ELAVL1: variants seen among roughly 807,000 people sequenced by gnomAD.
ELAVL1 encodes ELAV like RNA binding protein 1.
In ELAVL1, 1 loss-of-function variant was observed where a neutral mutation model predicts 28.4. That is an observed-to-expected ratio of 0.04 (90% CI 0.01 to 0.17). The LOEUF is 0.17. ELAVL1 is among the 10% of genes least tolerant of loss of function. The pLI is 1.00. For synonymous variants in ELAVL1, 174 were observed against 183.5 expected (o/e 0.95, Z 0.42); for missense variants, 157 against 447.2 (o/e 0.35, Z 5.85).
intron 3 of ELAVL1, among the ~76,000 whole-genome samples, chr19:7,975,736 C>A (rs946207133): frequency 1.3e-5 from 2 of 152,198 alleles, no homozygotes; most frequent in African/African-American, 2.4e-5. Flanking sequence ...ACAGTCATTG[C>A]GGATGTAATC....
intron 1 of ELAVL1, among the ~76,000 whole-genome samples, chr19:7,998,296 C>T (rs2081056155): frequency 1.3e-5 from 2 of 152,244 alleles, no homozygotes; most frequent in South Asian, 4.1e-4. Flanking sequence ...GTAGCCACTT[C>T]TGTCTCTCGA....
At chr19:7,965,701 T>A (rs1049151551) in intron 5 of ELAVL1, among the ~76,000 whole-genome samples, 1 of 152,164 alleles carries the variant, frequency 6.6e-6, no homozygotes, top group African/African-American at 2.4e-5. Context: ...CCCTTTCTTT[T>A]CTTGTCCTCA....
In ELAVL1 at chr19:7,960,775, C is replaced by T. The variant is rs1984784251; in HGVS notation, c.*2708G>A. On this transcript the variant is annotated 3_prime_UTR_variant, in exon 6 of 6. Transcript: ENST00000407627. ...TCATTTTTGCTAAATAGAAATACAA[C>T]TGATCTATGTAAAATTTTTTAAGAA... The T allele has an allele frequency of 6.6e-6, 1 of 152,520 alleles. No homozygotes were observed. The highest frequency in any genetic ancestry group is 2.1e-4 in the South Asian group (1 of 4,832). The allele number at this position is 152,520 out of a possible 1,614,324, so 9.4% of individuals were successfully genotyped here.
At chr19:7,999,256 C>A (rs1246190978) in intron 1 of ELAVL1, among the ~76,000 whole-genome samples, 1 of 152,154 alleles carries the variant, frequency 6.6e-6, no homozygotes, top group Non-Finnish European at 1.5e-5. Flanking sequence ...GCCTGTAGTA[C>A]CAGCTACTCA....
intron 4 of ELAVL1, among the ~76,000 whole-genome samples, chr19:7,972,333 A>G (rs895259430): frequency 1.3e-5 from 2 of 152,250 alleles, no homozygotes; most frequent in Non-Finnish European, 2.9e-5. Context: ...CGGGCCAGGC[A>G]GTAGGGCCGG....
Position 7,963,873 on chromosome 19 carries a change from T to C in ELAVL1, c.657-66A>G. On this transcript the variant is annotated intron_variant, in intron 5 of 5. Coordinates refer to ENST00000407627, the MANE Select transcript of ELAVL1 (RefSeq NM_001419.3). This position sits in a 1 kb window ranked among gnomAD's most constrained non-coding sequence, Gnocchi z 4.5. ...GGCGGCCTGGGGATGGGGCAAGGCCTGGACGCATGCTGACCATGGCCGCTG... is the reference window on the plus strand; with the variant it reads ...GGCGGCCTGGGGATGGGGCAAGGCCCGGACGCATGCTGACCATGGCCGCTG... 2 of 1,528,620 alleles carry C rather than the reference T, an allele frequency of 1.3e-6. No homozygotes were observed. The highest frequency in any genetic ancestry group is 1.2e-5 in the South Asian group (1 of 81,306). The allele number at this position is 1,528,620 out of a possible 1,614,324, so 94.7% of individuals were successfully genotyped here. A position where few individuals can be genotyped will look rare whatever the true frequency, so the allele number is the denominator to read the frequency against.
intron 2 of ELAVL1, among the ~76,000 whole-genome samples, chr19:7,985,550 G>A (rs1369129871): frequency 6.6e-6 from 1 of 152,240 alleles, no homozygotes; most frequent in Non-Finnish European, 1.5e-5. Flanking sequence ...TGGGAGATCA[G>A]CCCTGAGACA....
At position 7,963,207 on chromosome 19, in the gene ELAVL1, G is replaced by A. The variant is rs1984860561; in HGVS notation, c.*276C>T. 2 of 411,026 alleles carry A rather than the reference G, an allele frequency of 4.9e-6. No individual in the cohort carries two copies. Among genetic ancestry groups the A allele is most frequent in the Non-Finnish European group, 8.8e-6 (2 of 227,644 alleles). The allele number at this position is 411,026 out of a possible 1,614,324, so 25.5% of individuals were successfully genotyped here. ...TGCTTCAGGTTCACCACCATCCAGA[G>A]GGACTGGTTAGTCAATGCAGTTCTA... On this transcript the variant is annotated 3_prime_UTR_variant, in exon 6 of 6. Coordinates refer to ENST00000407627, the MANE Select transcript of ELAVL1 (RefSeq NM_001419.3). The surrounding 1 kb of genome is among the most constrained non-coding windows in gnomAD (Gnocchi z 4.5).
At chr19:7,987,769 C>T (rs995421642) in intron 2 of ELAVL1, among the ~76,000 whole-genome samples, 2 of 152,228 alleles carry the variant, frequency 1.3e-5, no homozygotes, top group Admixed American at 1.3e-4. Flanking sequence ...GCTCCTCCCT[C>T]CAGGAGAGAT....
chr19:7,970,469 A>G lies in ELAVL1; in HGVS notation c.431-2679T>C, dbSNP rs1335008713. ...CGTGCCCGGCCTATTTTTAGTACAG[A>G]TGGGGTTTGCCATGTTGGCCAGGCA... On this transcript the variant is annotated intron_variant, in intron 4 of 5. Coordinates refer to ENST00000407627, the MANE Select transcript of ELAVL1 (RefSeq NM_001419.3). 2.0e-5 allele frequency among the ~76,000 whole-genome samples: 3 copies of G among 151,754 alleles called. No homozygotes were observed. In the East Asian group the frequency reaches 5.8e-4, roughly 30 times the overall value.
At chr19:7,988,004 C>G (rs1048258194) in intron 2 of ELAVL1, among the ~76,000 whole-genome samples, 1 of 152,164 alleles carries the variant, frequency 6.6e-6, no homozygotes, top group Non-Finnish European at 1.5e-5. Flanking sequence ...GGACAGTGGT[C>G]TTCAGGGAGC....
intron 4 of ELAVL1, among the ~76,000 whole-genome samples, chr19:7,968,558 G>A (rs1985018488): frequency 6.6e-6 from 1 of 152,238 alleles, no homozygotes; most frequent in Non-Finnish European, 1.5e-5. Flanking sequence ...GTCCCTGTAT[G>A]GGAAGGGCCA....
At chr19:7,986,888 T>C (rs1402457673) in intron 2 of ELAVL1, among the ~76,000 whole-genome samples, 1 of 152,094 alleles carries the variant, frequency 6.6e-6, no homozygotes, top group Non-Finnish European at 1.5e-5. Context: ...AGAAAATCAT[T>C]TGGAGGGACA....
intron 2 of ELAVL1, among the ~76,000 whole-genome samples, chr19:7,987,729 G>C (rs1383510540): frequency 6.6e-6 from 1 of 152,170 alleles, no homozygotes; most frequent in Non-Finnish European, 1.5e-5. Flanking sequence ...ACACCGACTG[G>C]CTATGTCTAG....
chr19:7,963,862 G>T lies in ELAVL1; in HGVS notation c.657-55C>A. 6.4e-7 allele frequency: 1 copy of T among 1,565,868 alleles called. No individual in the cohort carries two copies. Among genetic ancestry groups the T allele is most frequent in the Non-Finnish European group, 8.7e-7 (1 of 1,153,696 alleles). ...CGGTCAGCGCAGGCGGCCTGGGGAT[G>T]GGGCAAGGCCTGGACGCATGCTGAC... On this transcript the variant is annotated intron_variant, in intron 5 of 5. Transcript: ENST00000407627. This position sits in a 1 kb window ranked among gnomAD's most constrained non-coding sequence, Gnocchi z 4.5.
rs1367190709 is a variant in ELAVL1, at chr19:7,982,266, C to T, written c.173-1080G>A. On this transcript the variant is annotated intron_variant, in intron 2 of 5. Transcript: ENST00000407627. The surrounding 1 kb of genome is among the most constrained non-coding windows in gnomAD (Gnocchi z 4.3). ...GAGGCACAGGGAAGAGCGCAATCCC[C>T]GTCTCCCGCAGCTTATCCATGCACT... Among the ~76,000 whole-genome samples, 1 of 152,086 alleles carries T rather than the reference C, an allele frequency of 6.6e-6. No individual in the cohort carries two copies. Among genetic ancestry groups the T allele is most frequent in the East Asian group, 1.9e-4 (1 of 5,186 alleles).
At chr19:7,998,965 CA>C (rs1292536333) in intron 1 of ELAVL1, among the ~76,000 whole-genome samples, 2 of 151,946 alleles carry the variant, frequency 1.3e-5, no homozygotes, top group South Asian at 4.2e-4. Context: ...TTTTTAGAGA[CA>C]GGGGTCTCAT....
At chr19:7,990,741 G>T (rs775072470) in intron 2 of ELAVL1, among the ~76,000 whole-genome samples, 3 of 152,102 alleles carry the variant, frequency 2.0e-5, no homozygotes, top group African/African-American at 4.8e-5. Context: ...AGGACTGGCC[G>T]CTCCTTGGCT....
chr19:8,005,450 C>T (rs1211519012), intron 1 of ELAVL1, 45 bp downstream of exon 1: 1 of 146,996 alleles, frequency 6.8e-6, no homozygotes, highest in South Asian at 1.9e-4. Flanking sequence ...AGGCCTGCCG[C>T]GGCCTACCCC....
Sources: gnomAD v4.1 joint callset for allele counts (sites outside exome capture counted in the v4.1 genomes callset) on GRCh38, gnomAD v4.1.1 for gene constraint, Gnocchi (gnomAD v3.1) non-coding constraint, MANE v1.5 for transcripts, NCBI Gene and HGNC (gene_info 2026-07-23, HGNC 2026-07-21) for gene names.